The following FARP2 variants were observed in gnomAD, a reference collection of about 807,000 sequenced individuals.
FARP2 encodes FERM, ARHGEF and pleckstrin domain-containing protein 2.
In FARP2, 111 loss-of-function variants were observed where a neutral mutation model predicts 130.5. The ratio of observed to expected loss-of-function variants is 0.85; its 90% CI spans 0.73 to 1.00. FARP2 has a LOEUF of 1.00. Among genes scored for constraint, FARP2 ranks in the 50% least tolerant of loss-of-function variants. The probability of loss-of-function intolerance (pLI) is 0.00; values close to 1 mark genes in which losing one functional copy is unlikely to be tolerated. For synonymous variants in FARP2, 504 were observed against 516.9 expected (o/e 0.98, Z 0.34); for missense variants, 1,385 against 1,346.3 (o/e 1.03, Z -0.45).
chr2:241,483,148 A>C (rs1173346802), intron 19 of FARP2, among the ~76,000 whole-genome samples: 1 of 152,192 alleles, frequency 6.6e-6, no homozygotes, highest in East Asian at 1.9e-4. Context: ...TGAACCTTCC[A>C]GAAGCTTCTC....
chr2:241,377,579 G>GT (rs2061568289), intron 2 of FARP2, among the ~76,000 whole-genome samples: 1 of 152,178 alleles, frequency 6.6e-6, no homozygotes, highest in African/African-American at 2.4e-5. Context: ...CTGACCTCAG[G>GT]TGATCCACCT....
At chr2:241,461,631 G>A (rs2064020937) in intron 14 of FARP2, among the ~76,000 whole-genome samples, 1 of 152,204 alleles carries the variant, frequency 6.6e-6, no homozygotes, top group South Asian at 2.1e-4. Flanking sequence ...CTCCTGGTAG[G>A]ACACCCTCAC....
chr2:241,414,466 T>C (rs957094571), intron 7 of FARP2, among the ~76,000 whole-genome samples: 2 of 152,236 alleles, frequency 1.3e-5, no homozygotes, highest in African/African-American at 4.8e-5. Flanking sequence ...GTTAAGGCTC[T>C]ACCGGGACCT....
chr2:241,433,704 C>G (rs2063147959), intron 9 of FARP2, among the ~76,000 whole-genome samples: 2 of 152,044 alleles, frequency 1.3e-5, no homozygotes, highest in South Asian at 4.1e-4. Flanking sequence ...CAGATGGAAC[C>G]AGAAGACTTT....
Position 241,469,533 on chromosome 2 carries a change from C to T in FARP2, c.2131+1156C>T, listed in dbSNP as rs145017498. Among the ~76,000 whole-genome samples the T allele has an allele frequency of 6.3e-3, 957 of 152,254 alleles. 7 individuals are homozygous for T. Among genetic ancestry groups the T allele is most frequent in the Middle Eastern group, 0.027 (8 of 294 alleles). On this transcript the variant is annotated intron_variant, in intron 18 of 26. Coordinates refer to ENST00000264042, the MANE Select transcript of FARP2 (RefSeq NM_014808.4). ...AATAGAATGGATCATACAATGTTGA[C>T]GATTCTCTTTCTTTTCATTCTAAAA...
chr2:241,432,203 C>G (rs1486083891), intron 9 of FARP2: 1 of 153,284 alleles, frequency 6.5e-6, no homozygotes, highest in Non-Finnish European at 1.5e-5. Flanking sequence ...CTTTGTAAAT[C>G]ATTTCAGCAT....
At chr2:241,450,837 C>T (rs1007519777) in intron 13 of FARP2, among the ~76,000 whole-genome samples, 1 of 151,880 alleles carries the variant, frequency 6.6e-6, no homozygotes, top group African/African-American at 2.4e-5. Context: ...CTGTAATCCC[C>T]GCTACTTGGG....
chr2:241,483,231 G>A, intron 19 of FARP2, among the ~76,000 whole-genome samples: 1 of 152,358 alleles, frequency 6.6e-6, no homozygotes, highest in South Asian at 2.1e-4. Context: ...CCCAGAGCAG[G>A]TGCTCAGTAG....
intron 6 of FARP2, among the ~76,000 whole-genome samples, 186 bp from the exon 7 acceptor site, chr2:241,413,121 A>G (rs1481290222): frequency 6.6e-6 from 1 of 152,176 alleles, no homozygotes; most frequent in African/African-American, 2.4e-5. Context: ...TTCACTTCCC[A>G]TTATATTTGC....
intron 2 of FARP2, among the ~76,000 whole-genome samples, chr2:241,384,290 A>G (rs1575483252): frequency 6.6e-6 from 1 of 152,184 alleles, no homozygotes; most frequent in African/African-American, 2.4e-5. Context: ...ATGCACATGA[A>G]TGATGCTTTA....
At chr2:241,356,550 G>T (rs922551916) in intron 1 of FARP2, among the ~76,000 whole-genome samples, 162 bp downstream of exon 1, 1 of 152,250 alleles carries the variant, frequency 6.6e-6, no homozygotes, top group Non-Finnish European at 1.5e-5. Context: ...TCGTGAGGCG[G>T]CTGGAGCTCC....
rs188056887 is a variant in FARP2 at position 241,365,282 on chromosome 2, C to G, written c.-24-7802C>G. On this transcript the variant is annotated intron_variant, in intron 1 of 26. Coordinates refer to ENST00000264042, the MANE Select transcript of FARP2 (RefSeq NM_014808.4). The stretch of plus-strand genomic sequence containing the variant: ...CAATCTTTTTTTCCTGTACCCACTT[C>G]CACTGATCCCCAACTCGTTGGATTA... Among the ~76,000 whole-genome samples, 1,156 of 152,284 alleles carry G rather than the reference C, an allele frequency of 7.6e-3. 8 individuals carry two copies. Among genetic ancestry groups the G allele is most frequent in the African/African-American group, 0.024 (1,001 of 41,548 alleles).
chr2:241,378,009 A>C (rs1158990063), intron 2 of FARP2, among the ~76,000 whole-genome samples: 3 of 152,234 alleles, frequency 2.0e-5, no homozygotes, highest in African/African-American at 7.2e-5. Context: ...CATATTTGCC[A>C]ACACTTATTT....
intron 21 of FARP2, among the ~76,000 whole-genome samples, chr2:241,487,533 T>C (rs1331955932): frequency 8.0e-6 from 1 of 124,392 alleles, no homozygotes; most frequent in African/African-American, 2.7e-5. Flanking sequence ...CCAGGCGTGG[T>C]GGTGGGCACC....
chr2:241,380,319 C>T (rs1456238645), intron 2 of FARP2, among the ~76,000 whole-genome samples: 1 of 152,172 alleles, frequency 6.6e-6, no homozygotes, highest in Non-Finnish European at 1.5e-5. Flanking sequence ...TCAGGTGACA[C>T]AGGCAGTGGC....
At chr2:241,434,566 T>A (rs188882338) in intron 10 of FARP2, among the ~76,000 whole-genome samples, 1 of 152,340 alleles carries the variant, frequency 6.6e-6, no homozygotes, top group East Asian at 1.9e-4. Context: ...AAAATATGTA[T>A]GTGGGCCGAG....
intron 15 of FARP2, 147 bp from the exon 16 acceptor site, chr2:241,463,188 A>G: frequency 1.5e-6 from 1 of 682,622 alleles, no homozygotes. Context: ...AACAAAGAGG[A>G]TGGCTGTAGT....
intron 2 of FARP2, among the ~76,000 whole-genome samples, chr2:241,401,901 C>T (rs1403175608): frequency 6.6e-6 from 1 of 152,034 alleles, no homozygotes; most frequent in Non-Finnish European, 1.5e-5. Context: ...GCTATTCTCC[C>T]GCCTCAGCCT....
At chr2:241,477,405 C>T (rs1317487186) in intron 19 of FARP2, among the ~76,000 whole-genome samples, 2 of 152,054 alleles carry the variant, frequency 1.3e-5, no homozygotes, top group Non-Finnish European at 2.9e-5. Flanking sequence ...TGGGATTACA[C>T]GCATGAGCCA....
Sources: allele counts gnomAD v4.1 joint callset (sites outside exome capture counted in the v4.1 genomes callset), GRCh38; gene constraint gnomAD v4.1.1; transcripts MANE v1.5; gene names NCBI Gene and HGNC (gene_info 2026-07-23, HGNC 2026-07-21).